Variants in SLCO3A1 observed in about 807,000 individuals in gnomAD.
SLCO3A1 encodes the protein PGE1 transporter.
SLCO3A1 carries 27 observed loss-of-function variants against 63.1 expected under a neutral mutation model. That is an observed-to-expected ratio of 0.43 (90% CI 0.32 to 0.59). The LOEUF (loss-of-function observed/expected upper bound fraction) is 0.59, where lower values mean the gene tolerates loss of function less well. Ranked by LOEUF, SLCO3A1 falls within the 20% of genes least tolerant of loss-of-function variation. The probability of loss-of-function intolerance (pLI) is 0.09; values close to 1 mark genes in which losing one functional copy is unlikely to be tolerated. For missense variants in SLCO3A1, 773 were observed against 945.8 expected, an observed-to-expected ratio of 0.82 and a Z score of 2.40; for synonymous variants, 473 against 409.9, an observed-to-expected ratio of 1.15 and a Z score of -1.86.
intron 2 of SLCO3A1, among the ~76,000 whole-genome samples, chr15:92,014,250 G>C (rs762471186): frequency 4.6e-5 from 7 of 152,248 alleles, no homozygotes; most frequent in Non-Finnish European, 1.0e-4. Context: ...ACTGGGCCAC[G>C]GGGGCAGTGG....
chr15:92,080,938 C>CTCTG (rs1555430719), intron 2 of SLCO3A1, among the ~76,000 whole-genome samples: 2 of 128,896 alleles, frequency 1.6e-5, no homozygotes, highest in Non-Finnish European at 3.2e-5. Context: ...TACATAGTAG[C>CTCTG]TGTGTGTGTG....
At position 91,863,948 on chromosome 15, in the gene SLCO3A1, T is replaced by G. The variant is rs1175590317; in HGVS notation, c.180+9860T>G. Among the ~76,000 whole-genome samples, 6 of 152,208 alleles carry G rather than the reference T, an allele frequency of 3.9e-5. No homozygotes were observed. The highest frequency in any genetic ancestry group is 7.3e-5 in the Non-Finnish European group (5 of 68,040). On this transcript the variant is annotated intron_variant, in intron 1 of 9. Coordinates refer to ENST00000318445, the MANE Select transcript of SLCO3A1 (RefSeq NM_013272.4). This position sits in a 1 kb window ranked among gnomAD's most constrained non-coding sequence, Gnocchi z 4.3. ...TAAATTAGCACCATTCCTTTACCTT[T>G]GCCAAGCTGTATACATGCATCAAGG...
At chr15:92,050,739 T>A (rs2046946969) in intron 2 of SLCO3A1, among the ~76,000 whole-genome samples, 1 of 152,200 alleles carries the variant, frequency 6.6e-6, no homozygotes, top group African/African-American at 2.4e-5. Context: ...TTAAAATGTT[T>A]TGGTGGCTTC....
intron 2 of SLCO3A1, among the ~76,000 whole-genome samples, chr15:91,938,371 G>T (rs1899490106): frequency 6.6e-6 from 1 of 152,066 alleles, no homozygotes; most frequent in South Asian, 2.1e-4. Context: ...TAGTTAAAAA[G>T]TGATGAGACG....
Position 91,856,225 on chromosome 15 carries a change from A to G in SLCO3A1, c.180+2137A>G, listed in dbSNP as rs1275351659. Reference sequence around the variant, plus strand: ...GATGGAAAGCCTGGTTGGGTGGGGTAGGGTAACAGGAGTCAACAGGTGACT... The same window carrying G: ...GATGGAAAGCCTGGTTGGGTGGGGTGGGGTAACAGGAGTCAACAGGTGACT... On this transcript the variant is annotated intron_variant, in intron 1 of 9. Transcript: ENST00000318445. This position sits in a 1 kb window ranked among gnomAD's most constrained non-coding sequence, Gnocchi z 4.9. 6.6e-6 allele frequency among the ~76,000 whole-genome samples: 1 copy of G among 152,018 alleles called. No individual in the cohort carries two copies. The highest frequency in any genetic ancestry group is 2.4e-5 in the African/African-American group (1 of 41,388).
At chr15:91,879,001 C>T (rs1897476647) in intron 1 of SLCO3A1, among the ~76,000 whole-genome samples, 1 of 152,140 alleles carries the variant, frequency 6.6e-6, no homozygotes, top group African/African-American at 2.4e-5. Context: ...GGCATAATTA[C>T]AACATATCTA....
intron 1 of SLCO3A1, among the ~76,000 whole-genome samples, chr15:91,887,192 A>T (rs1158149462): frequency 1.3e-5 from 2 of 152,170 alleles, no homozygotes; most frequent in Admixed American, 1.3e-4. Flanking sequence ...CCACAGGTTG[A>T]TGGCATTTTG....
At chr15:91,974,182 A>G (rs909775825) in intron 2 of SLCO3A1, among the ~76,000 whole-genome samples, 4 of 152,072 alleles carry the variant, frequency 2.6e-5, no homozygotes, top group Non-Finnish European at 4.4e-5. Context: ...CAGTAAGGAT[A>G]AGAACCAGGA....
chr15:91,975,918 C>T (rs963430860), intron 2 of SLCO3A1, among the ~76,000 whole-genome samples: 1 of 152,240 alleles, frequency 6.6e-6, no homozygotes, highest in Admixed American at 6.5e-5. Context: ...GGTCAGATCA[C>T]TGAGCCCTGC....
intron 2 of SLCO3A1, among the ~76,000 whole-genome samples, chr15:91,938,953 G>A (rs1899516215): frequency 6.6e-6 from 1 of 152,202 alleles, no homozygotes; most frequent in African/African-American, 2.4e-5. Flanking sequence ...AACGTAGCTG[G>A]GATGTTGTGC....
chr15:91,988,572 A>C (rs1364479314), intron 2 of SLCO3A1, among the ~76,000 whole-genome samples: 1 of 152,146 alleles, frequency 6.6e-6, no homozygotes, highest in East Asian at 1.9e-4. Flanking sequence ...AATAATCAAA[A>C]TCCTGTGGGT....
At chr15:92,014,973 C>T (rs1016019769) in intron 2 of SLCO3A1, among the ~76,000 whole-genome samples, 2 of 152,142 alleles carry the variant, frequency 1.3e-5, no homozygotes, top group African/African-American at 4.8e-5. Flanking sequence ...GGTTTGCAGT[C>T]CCCCAAAAGG....
intron 2 of SLCO3A1, among the ~76,000 whole-genome samples, chr15:91,931,884 A>G (rs570708402): frequency 2.0e-5 from 3 of 152,298 alleles, no homozygotes; most frequent in Admixed American, 6.5e-5. Context: ...AAAGCCAAGC[A>G]TGTTCTTTTA....
At chr15:92,103,061 A>G (rs2047625702) in intron 3 of SLCO3A1, among the ~76,000 whole-genome samples, 1 of 152,224 alleles carries the variant, frequency 6.6e-6, no homozygotes. Flanking sequence ...TCAATAAACG[A>G]TGGCTGGCCT....
chr15:92,071,857 A>AT (rs2047219400), intron 2 of SLCO3A1, among the ~76,000 whole-genome samples: 1 of 152,114 alleles, frequency 6.6e-6, no homozygotes, highest in Non-Finnish European at 1.5e-5. Flanking sequence ...ACCACACTGG[A>AT]TGTGTCTTAG....
chr15:91,915,954 T>A lies in SLCO3A1; in HGVS notation c.181-39T>A, dbSNP rs755923900. The stretch of plus-strand genomic sequence containing the variant: ...GGAAGGAGAGGCTTCCTGGGCATCT[T>A]CTTGGATTGGCTCTGACCTTTCTTC... On this transcript the variant is annotated intron_variant, in intron 1 of 9. Coordinates refer to ENST00000318445, the MANE Select transcript of SLCO3A1 (RefSeq NM_013272.4). 55 of 1,542,100 alleles carry A rather than the reference T, an allele frequency of 3.6e-5. No individual in the cohort carries two copies. The Middle Eastern group carries it at 5.2e-4, about 15-fold the overall frequency.
At chr15:92,159,567 G>GTTTTTT (rs11455940) in intron 9 of SLCO3A1, among the ~76,000 whole-genome samples, 12 of 137,872 alleles carry the variant, frequency 8.7e-5, no homozygotes, top group Non-Finnish European at 1.4e-4. Context: ...ACTTTGGTAG[G>GTTTTTT]TTTTTTTTTT....
intron 2 of SLCO3A1, among the ~76,000 whole-genome samples, chr15:92,002,118 T>C (rs77217508): frequency 0.031 from 4,778 of 152,126 alleles, 265 homozygotes; most frequent in African/African-American, 0.11. Context: ...GAACTGAGGG[T>C]CTTAGCCCAG....
At chr15:92,050,842 C>T (rs2046948228) in intron 2 of SLCO3A1, among the ~76,000 whole-genome samples, 1 of 152,282 alleles carries the variant, frequency 6.6e-6, no homozygotes, top group East Asian at 1.9e-4. Context: ...TGTTACGGCT[C>T]GGGATGATGT....
Sources: gnomAD v4.1 joint callset for allele counts (sites outside exome capture counted in the v4.1 genomes callset) on GRCh38, gnomAD v4.1.1 for gene constraint, Gnocchi (gnomAD v3.1) non-coding constraint, MANE v1.5 for transcripts, NCBI Gene and HGNC (gene_info 2026-07-23, HGNC 2026-07-21) for gene names.